KDM5A: variants seen among roughly 807,000 people sequenced by gnomAD.
The protein encoded by KDM5A is lysine demethylase 5A, also known as lysine-specific demethylase 5A.
In KDM5A, 42 loss-of-function variants were observed where a neutral mutation model predicts 193.5. The ratio of observed to expected loss-of-function variants is 0.22; its 90% CI spans 0.17 to 0.28. KDM5A has a LOEUF of 0.28. Ranked by LOEUF, KDM5A falls within the 10% of genes least tolerant of loss-of-function variation. The pLI is 1.00. For missense variants in KDM5A, 1,692 were observed against 2,055.1 expected, an observed-to-expected ratio of 0.82 and a Z score of 3.42; for synonymous variants, 796 against 718.1, an observed-to-expected ratio of 1.11 and a Z score of -1.73.
At chr12:364,552 G>A (rs917663832) in intron 4 of KDM5A, among the ~76,000 whole-genome samples, 4 of 151,302 alleles carry the variant, frequency 2.6e-5, no homozygotes, top group Admixed American at 6.6e-5. Context: ...TTGGGAGGCC[G>A]AGGTGAGTGG....
At position 280,531 on chromosome 12, in the gene KDM5A, G is replaced by C. The variant is rs573277147; in HGVS notation, c.*4925C>G. The stretch of plus-strand genomic sequence containing the variant: ...ACACATTTCATGAAACTGAGGCCAA[G>C]TCCACTGCAAGCAGAGTCTTAACAT... On this transcript the variant is annotated 3_prime_UTR_variant, in exon 28 of 28. Coordinates refer to ENST00000399788, the MANE Select transcript of KDM5A (RefSeq NM_001042603.3). 2.0e-4 allele frequency: 46 copies of C among 233,054 alleles called. 1 individual carries two copies. In the Middle Eastern group the frequency reaches 0.013, roughly 64 times the overall value. 14.4% of individuals were successfully genotyped at this position (233,054 alleles called of 1,614,324 possible). A position where few individuals can be genotyped will look rare whatever the true frequency, so the allele number is the denominator to read the frequency against.
intron 19 of KDM5A, 114 bp downstream of exon 19, chr12:317,992 C>T (rs1943668673): frequency 1.2e-6 from 1 of 812,242 alleles, no homozygotes; most frequent in Non-Finnish European, 2.1e-6. Context: ...CATTAAAATC[C>T]TAAACGCAAA....
chr12:347,165 G>T lies in KDM5A; in HGVS notation c.1308+3456C>A, dbSNP rs146318770. 7.1e-3 allele frequency among the ~76,000 whole-genome samples: 1,081 copies of T among 152,192 alleles called. 17 individuals carry two copies. Among genetic ancestry groups the T allele is most frequent in the African/African-American group, 0.025 (1,054 of 41,498 alleles). On this transcript the variant is annotated intron_variant, in intron 10 of 27. Coordinates refer to ENST00000399788, the MANE Select transcript of KDM5A (RefSeq NM_001042603.3). ...CATGAGTGAACTCCCATTCACAATT[G>T]CTACAAAGAGAATAAAACACCTAGG...
At position 311,347 on chromosome 12, in the gene KDM5A, T is replaced by A. The variant is rs944558803; in HGVS notation, c.3037-283A>T. On this transcript the variant is annotated intron_variant, in intron 20 of 27. Coordinates refer to ENST00000399788, the MANE Select transcript of KDM5A (RefSeq NM_001042603.3). ...GGACAATCTAAAGCACAGACATATA[T>A]AAACACAGTTAGCAGGCCAGGCGTG... The A allele has an allele frequency of 5.1e-5, 21 of 410,126 alleles. 1 individual carries two copies. The highest frequency in any genetic ancestry group is 7.8e-4 in the Middle Eastern group (1 of 1,278). 25.4% of individuals were successfully genotyped at this position (410,126 alleles called of 1,614,324 possible). A position where few individuals can be genotyped will look rare whatever the true frequency, so the allele number is the denominator to read the frequency against.
At chr12:376,332 C>T (rs575626447) in intron 3 of KDM5A, among the ~76,000 whole-genome samples, 7 of 152,234 alleles carry the variant, frequency 4.6e-5, no homozygotes, top group African/African-American at 1.7e-4. Flanking sequence ...TCTCAGACTG[C>T]TGTGCTAGCA....
chr12:369,638 T>C (rs969220761), intron 3 of KDM5A, among the ~76,000 whole-genome samples: 12 of 152,158 alleles, frequency 7.9e-5, no homozygotes, highest in Non-Finnish European at 1.5e-5. Context: ...AGTAGTTAAC[T>C]AGCAGATATA....
Position 362,996 on chromosome 12 carries a change from A to G in KDM5A, c.639T>C (p.Ile213=). 1 of 1,614,192 alleles carries G rather than the reference A, an allele frequency of 6.2e-7. No homozygotes were observed. Residue 213 remains isoleucine (I), a synonymous_variant, in exon 5 of 28, where the codon ATT becomes ATC. Transcript: ENST00000399788. ...TCACACGTCTTGTTCTCTTCGGCAG[A>G]ATGTTCATCCTTGTGCCTGGCTCTG... ...TSPEPGTRMN[I]LPKRTRRVKT... is the part of the protein sequence containing the mutation.
intron 14 of KDM5A, among the ~76,000 whole-genome samples, chr12:325,600 G>A (rs1490041812): frequency 6.6e-6 from 1 of 152,212 alleles, no homozygotes; most frequent in Non-Finnish European, 1.5e-5. Flanking sequence ...TTGAACCTGA[G>A]AGGTGGAGAC....
chr12:372,010 T>C (rs1944433899), intron 3 of KDM5A, among the ~76,000 whole-genome samples: 1 of 152,184 alleles, frequency 6.6e-6, no homozygotes. Context: ...AGCCTTGTAG[T>C]ATAGTTTGAA....
chr12:301,037 T>C lies in KDM5A; in HGVS notation c.4075-3837A>G, dbSNP rs111936757. 9.1e-3 allele frequency among the ~76,000 whole-genome samples: 1,382 copies of C among 152,262 alleles called. 25 individuals are homozygous for C. The highest frequency in any genetic ancestry group is 0.032 in the African/African-American group (1,325 of 41,542). On this transcript the variant is annotated intron_variant, in intron 24 of 27. Coordinates refer to ENST00000399788, the MANE Select transcript of KDM5A (RefSeq NM_001042603.3). ...GTTCTGAAACTGAGGCAGTAATTAA[T>C]AGCATACCAACCAAAAAAAGTCCAG...
intron 18 of KDM5A, among the ~76,000 whole-genome samples, chr12:320,008 G>GAA (rs921081939): frequency 6.6e-6 from 1 of 152,104 alleles, no homozygotes; most frequent in Non-Finnish European, 1.5e-5. Flanking sequence ...AAGTCGAAGA[G>GAA]AAAACAAGCA....
chr12:325,046 T>C (rs956221919), intron 14 of KDM5A, among the ~76,000 whole-genome samples: 1 of 152,200 alleles, frequency 6.6e-6, no homozygotes, highest in Non-Finnish European at 1.5e-5. Flanking sequence ...AACCTGATAA[T>C]TTATTCACTG....
intron 6 of KDM5A, 33 bp downstream of exon 6, chr12:356,399 T>C: frequency 1.6e-6 from 2 of 1,247,408 alleles, no homozygotes; most frequent in South Asian, 1.2e-5. Flanking sequence ...TATTCTACCT[T>C]ATCTCTTTTC....
At chr12:289,272 T>A (rs1372343694) in intron 27 of KDM5A, among the ~76,000 whole-genome samples, 1 of 152,110 alleles carries the variant, frequency 6.6e-6, no homozygotes. Flanking sequence ...CTGAGAGAAT[T>A]TGATATTTTT....
chr12:366,351 A>G (rs1414375333), intron 3 of KDM5A, among the ~76,000 whole-genome samples: 1 of 152,234 alleles, frequency 6.6e-6, no homozygotes, highest in Non-Finnish European at 1.5e-5. Flanking sequence ...TATTTAATGA[A>G]TACTCTGTAC....
At chr12:373,793 T>C (rs1944464839) in intron 3 of KDM5A, among the ~76,000 whole-genome samples, 1 of 152,248 alleles carries the variant, frequency 6.6e-6, no homozygotes, top group African/African-American at 2.4e-5. Context: ...TTGTTCTCAT[T>C]GGTTTCAAAG....
In KDM5A at chr12:352,190, A is replaced by G. The variant is rs151156066; in HGVS notation, c.1149+15T>C. ...TTGTACCTCCCCGGACCGACCTAAA[A>G]GATAGCTTACTCACATGGACTGGCA... On this transcript the variant is annotated intron_variant, in intron 9 of 27. Transcript: ENST00000399788. The G allele has an allele frequency of 5.1e-4, 814 of 1,611,712 alleles. 7 individuals are homozygous for G. In the African/African-American group the frequency reaches 9.7e-3, roughly 19 times the overall value.
intron 26 of KDM5A, among the ~76,000 whole-genome samples, chr12:295,251 GA>G (rs1237104302): frequency 6.6e-6 from 1 of 150,534 alleles, no homozygotes; most frequent in Non-Finnish European, 1.5e-5. Context: ...AAGGAAAGGG[GA>G]AAGGAGAAAG....
intron 18 of KDM5A, among the ~76,000 whole-genome samples, chr12:319,510 G>A (rs1432860178): frequency 1.3e-5 from 2 of 152,118 alleles, no homozygotes; most frequent in African/African-American, 4.8e-5. Context: ...CAGCACTTTG[G>A]GAGGCCAAAG....
Sources: allele counts gnomAD v4.1 joint callset (sites outside exome capture counted in the v4.1 genomes callset), GRCh38; gene constraint gnomAD v4.1.1; transcripts MANE v1.5; gene names NCBI Gene and HGNC (gene_info 2026-07-23, HGNC 2026-07-21).